Variants in SNX13 observed in about 807,000 individuals in gnomAD.
SNX13 encodes the protein sorting nexin 13.
Under a neutral mutation model 133.6 loss-of-function variants are expected in SNX13, and 45 were observed. That is an observed-to-expected ratio of 0.34 (90% CI 0.27 to 0.43). SNX13 has a LOEUF of 0.43. Among genes scored for constraint, SNX13 ranks in the 20% least tolerant of loss-of-function variants. The pLI, the probability that SNX13 is intolerant of heterozygous loss-of-function variation, is 1.00. For missense variants in SNX13, 1,032 were observed against 1,145.1 expected (o/e 0.90, Z 1.43); for synonymous variants, 414 against 373.9 (o/e 1.11, Z -1.24).
At chr7:17,816,313 A>G (rs1270089288) in intron 18 of SNX13, 24 bp from the exon 19 acceptor site, 1 of 1,520,758 alleles carries the variant, frequency 6.6e-7, no homozygotes, top group East Asian at 2.5e-5. Context: ...TACATTCAAT[A>G]GCACTTTTTA....
intron 8 of SNX13, among the ~76,000 whole-genome samples, chr7:17,873,187 T>C (rs1794315632): frequency 6.6e-6 from 1 of 152,186 alleles, no homozygotes; most frequent in African/African-American, 2.4e-5. Context: ...AAGCTTGGGT[T>C]TCAGGTGACC....
chr7:17,884,037 G>C (rs910573993), intron 5 of SNX13, among the ~76,000 whole-genome samples: 1 of 152,082 alleles, frequency 6.6e-6, no homozygotes, highest in South Asian at 2.1e-4. Context: ...TCCTAAAATC[G>C]TTGCTGTTTG....
At chr7:17,794,590 C>G in intron 25 of SNX13, 1 of 236,008 alleles carries the variant, frequency 4.2e-6, no homozygotes, top group East Asian at 8.6e-5. Context: ...CCCTTAATAC[C>G]CATGTGATAC....
intron 1 of SNX13, among the ~76,000 whole-genome samples, chr7:17,917,097 A>G (rs894686744): frequency 1.3e-5 from 2 of 152,202 alleles, no homozygotes; most frequent in Non-Finnish European, 2.9e-5. Context: ...CAGAAAAAGC[A>G]TTCAGTAAAA....
chr7:17,816,096 C>T, intron 19 of SNX13, 86 bp downstream of exon 19: 1 of 1,373,628 alleles, frequency 7.3e-7, no homozygotes, highest in Non-Finnish European at 9.6e-7. Flanking sequence ...TAAAAACATT[C>T]TGTGTGCTAT....
At chr7:17,864,204 C>G (rs1458430266) in intron 9 of SNX13, among the ~76,000 whole-genome samples, 15 of 152,132 alleles carry the variant, frequency 9.9e-5, no homozygotes, top group Non-Finnish European at 2.9e-5. Flanking sequence ...AATGACCACT[C>G]TGGAAGTGAA....
chr7:17,881,103 A>G (rs1237476874), intron 5 of SNX13: 4 of 152,178 alleles, frequency 2.6e-5, no homozygotes, highest in Admixed American at 1.3e-4. Context: ...CAATCCTATA[A>G]TAAATGTTAT....
intron 1 of SNX13, among the ~76,000 whole-genome samples, chr7:17,917,162 C>A (rs570664976): frequency 1.3e-5 from 2 of 152,054 alleles, no homozygotes; most frequent in African/African-American, 2.4e-5. Flanking sequence ...AAGGATCATA[C>A]CTCAAAATAG....
intron 1 of SNX13, among the ~76,000 whole-genome samples, chr7:17,939,344 T>C (rs531760236): frequency 6.6e-6 from 1 of 152,342 alleles, no homozygotes; most frequent in East Asian, 1.9e-4. Flanking sequence ...GTACTTAAAG[T>C]GAAAGGCTTC....
At chr7:17,854,127 CTTTA>C (rs1468956522) in intron 9 of SNX13, among the ~76,000 whole-genome samples, 2 of 151,800 alleles carry the variant, frequency 1.3e-5, no homozygotes, top group African/African-American at 2.4e-5. Flanking sequence ...TTTTTCTGTT[CTTTA>C]TTTAAGAAAG....
At chr7:17,893,484 T>G in intron 2 of SNX13, 50 bp from the exon 3 acceptor site, 3 of 1,162,420 alleles carry the variant, frequency 2.6e-6, no homozygotes, top group Non-Finnish European at 2.5e-6. Context: ...TTCCTTATAA[T>G]TTAATGAATC....
At chr7:17,882,485 T>C (rs911158049) in intron 5 of SNX13, 14 of 152,256 alleles carry the variant, frequency 9.2e-5, no homozygotes, top group African/African-American at 3.4e-4. Context: ...GCATTCTTTC[T>C]GATCATTTAG....
intron 12 of SNX13, among the ~76,000 whole-genome samples, chr7:17,845,153 T>C (rs77177289): frequency 1.7e-4 from 26 of 148,822 alleles, no homozygotes; most frequent in Non-Finnish European, 3.4e-4. Context: ...TGCGTGTGTG[T>C]ACACACACAC....
chr7:17,910,609 A>C (rs1347785655), intron 1 of SNX13, among the ~76,000 whole-genome samples: 1 of 152,242 alleles, frequency 6.6e-6, no homozygotes, highest in East Asian at 1.9e-4. Context: ...AGAAACATGT[A>C]CACACATGTT....
intron 11 of SNX13, 124 bp from the exon 12 acceptor site, chr7:17,845,818 T>C (rs1790454334): frequency 1.7e-6 from 1 of 592,206 alleles, no homozygotes; most frequent in Non-Finnish European, 2.9e-6. Flanking sequence ...TCCCTTCTCA[T>C]GCATGTTGTT....
At chr7:17,882,883 G>T (rs1356067290) in intron 5 of SNX13, 9 of 1,273,344 alleles carry the variant, frequency 7.1e-6, no homozygotes, top group Non-Finnish European at 9.3e-6. Flanking sequence ...TCCAGGAAGC[G>T]GAGGTTGCAG....
intron 20 of SNX13, among the ~76,000 whole-genome samples, chr7:17,808,112 C>A (rs1781413269): frequency 6.6e-6 from 1 of 152,134 alleles, no homozygotes; most frequent in African/African-American, 2.4e-5. Context: ...ATGAGATTGA[C>A]AAACTGACAG....
At chr7:17,836,716 T>C (rs1321916955) in intron 13 of SNX13, among the ~76,000 whole-genome samples, 1 of 152,100 alleles carries the variant, frequency 6.6e-6, no homozygotes, top group East Asian at 1.9e-4. Flanking sequence ...ATATGTAATT[T>C]ACAATGTTTC....
intron 12 of SNX13, among the ~76,000 whole-genome samples, chr7:17,844,386 G>A (rs755254246): frequency 6.6e-5 from 10 of 152,088 alleles, no homozygotes; most frequent in African/African-American, 1.9e-4. Flanking sequence ...GACTGATAAC[G>A]TAGTAAGGAG....
Sources: gnomAD v4.1 joint callset for allele counts (sites outside exome capture counted in the v4.1 genomes callset) on GRCh38, gnomAD v4.1.1 for gene constraint, MANE v1.5 for transcripts, NCBI Gene and HGNC (gene_info 2026-07-23, HGNC 2026-07-21) for gene names.